Variants in PUDP observed in about 807,000 individuals in gnomAD.
PUDP encodes the protein pseudouridine-5'-phosphatase.
In PUDP, 8 loss-of-function variants were observed where a neutral mutation model predicts 9.4. The ratio of observed to expected loss-of-function variants is 0.85; its 90% CI spans 0.50 to 1.53. PUDP has a LOEUF of 1.53. Among genes scored for constraint, PUDP ranks in the 40% most tolerant of loss-of-function variants. The pLI, the probability that PUDP is intolerant of heterozygous loss-of-function variation, is 0.00. For synonymous variants in PUDP, 99 were observed against 80.7 expected (o/e 1.23, Z -1.22); for missense variants, 188 against 189.7 (o/e 0.99, Z 0.05).
intron 1 of PUDP, among the ~76,000 whole-genome samples, chrX:6,986,204 T>C (rs1035788131): frequency 1.8e-5 from 2 of 112,139 alleles, no homozygotes; most frequent in African/African-American, 6.5e-5. Context: ...CTGTCGATGA[T>C]CAGAGTAGCC....
At chrX:7,146,204 G>C (rs1239310236) in intron 1 of PUDP, among the ~76,000 whole-genome samples, 1 of 111,926 alleles carries the variant, frequency 8.9e-6, no homozygotes, top group East Asian at 2.8e-4. Flanking sequence ...GACTAGATCA[G>C]AGGATTGGGT....
intron 3 of PUDP, among the ~76,000 whole-genome samples, chrX:6,926,520 T>C (rs369165326): frequency 7.1e-5 from 8 of 112,341 alleles, no homozygotes; most frequent in African/African-American, 1.9e-4. Context: ...CCATGAACAC[T>C]GAATGTAACC....
chrX:6,806,633 TGA>T (rs1926054396), intron 3 of PUDP, among the ~76,000 whole-genome samples: 1 of 111,644 alleles, frequency 9.0e-6, no homozygotes, highest in African/African-American at 3.3e-5. Flanking sequence ...ATGGCCTAGG[TGA>T]GATTTTTATG....
intron 2 of PUDP, among the ~76,000 whole-genome samples, chrX:7,079,761 A>G (rs987099555): frequency 8.9e-6 from 1 of 112,522 alleles, no homozygotes; most frequent in African/African-American, 3.2e-5. Context: ...GTAGAGAACT[A>G]AAAACTACCA....
intron 1 of PUDP, among the ~76,000 whole-genome samples, chrX:7,040,219 A>G (rs1259847398): frequency 1.8e-5 from 2 of 111,155 alleles, no homozygotes; most frequent in Non-Finnish European, 3.8e-5. Flanking sequence ...TTGGGCCCCA[A>G]TTCTGCTTCC....
At chrX:6,903,232 A>T (rs1223548561) in intron 3 of PUDP, among the ~76,000 whole-genome samples, 1 of 112,282 alleles carries the variant, frequency 8.9e-6, no homozygotes, top group Admixed American at 9.4e-5. Context: ...TTCCTTAGGT[A>T]TCCTCTTCAG....
intron 3 of PUDP, among the ~76,000 whole-genome samples, chrX:7,076,636 G>C (rs779021419): frequency 4.7e-4 from 53 of 111,930 alleles, no homozygotes; most frequent in African/African-American, 1.6e-3. Flanking sequence ...TGCATACCCT[G>C]CATGGTCAAG....
chrX:6,831,461 A>G (rs1926502857), intron 3 of PUDP, among the ~76,000 whole-genome samples: 1 of 112,332 alleles, frequency 8.9e-6, no homozygotes, highest in Admixed American at 9.4e-5. Flanking sequence ...GCTTATGTGC[A>G]GGAATGAACG....
chrX:6,781,502 A>G (rs1223808654), intron 3 of PUDP, among the ~76,000 whole-genome samples: 2 of 111,918 alleles, frequency 1.8e-5, no homozygotes, highest in Non-Finnish European at 3.8e-5. Flanking sequence ...AACAAGGAAC[A>G]GGTAGGTTCC....
chrX:6,721,322 C>T (rs909626627), intron 1 of PUDP: 4 of 112,098 alleles, frequency 3.6e-5, no homozygotes, highest in African/African-American at 1.3e-4. Flanking sequence ...GCAACCCATC[C>T]CAAGTGAGGT....
chrX:7,141,821 A>T (rs1008227052), intron 1 of PUDP, among the ~76,000 whole-genome samples: 12 of 112,256 alleles, frequency 1.1e-4, no homozygotes, highest in Non-Finnish European at 1.5e-4. Flanking sequence ...GCTCATTTAC[A>T]ATTCTGAAAA....
At chrX:6,871,956 G>A (rs1374019399) in intron 3 of PUDP, among the ~76,000 whole-genome samples, 1 of 111,901 alleles carries the variant, frequency 8.9e-6, no homozygotes, top group Non-Finnish European at 1.9e-5. Flanking sequence ...GGCACCAGCA[G>A]ATTCAGCAGC....
rs1343178087 is a variant in PUDP, at chrX:6,720,271, TATATATATATATATATAC to T, written n.128+1128_128+1145del. Among the ~76,000 whole-genome samples, 247 of 87,201 alleles carry T rather than the reference TATATATATATATATATAC, an allele frequency of 2.8e-3. 3 individuals are homozygous for T. The highest frequency in any genetic ancestry group is 0.01 in the African/African-American group (227 of 22,675). 75.7% of individuals were successfully genotyped at this position (87,201 alleles called of 115,157 possible). A position where few individuals can be genotyped will look rare whatever the true frequency, so the allele number is the denominator to read the frequency against. On this transcript the variant is annotated intron_variant and non_coding_transcript_variant, in intron 1 of 2. Transcript: ENST00000438499. ...GTGTGTGTGTGTGTATATATATATA[TATATATATATATATATAC>T]ACACACACACATAAATATGAATAGT...
chrX:7,064,321 T>C (rs1930487452), intron 3 of PUDP, among the ~76,000 whole-genome samples: 1 of 111,799 alleles, frequency 8.9e-6, no homozygotes, highest in Admixed American at 9.5e-5. Context: ...TTATTGGATG[T>C]CTACTGAATA....
intron 1 of PUDP, among the ~76,000 whole-genome samples, chrX:6,707,646 C>T (rs957153204): frequency 1.8e-5 from 2 of 111,073 alleles, no homozygotes; most frequent in Admixed American, 9.6e-5. Context: ...ACTGATCTGA[C>T]AGGAGACAGA....
chrX:7,053,452 T>C (rs753269646), intron 3 of PUDP, among the ~76,000 whole-genome samples: 14 of 111,808 alleles, frequency 1.3e-4, no homozygotes, highest in East Asian at 2.8e-4. Flanking sequence ...TGGGAGACAA[T>C]TGAATCATGG....
At position 6,812,292 on chromosome X, in the gene PUDP, C is replaced by A. The variant is rs756433904; in HGVS notation, c.*248-105826G>T. ...ATGCCAGACAGGTAACTCTGCAAAACTCATCTTGCAAGGATGATGAATAGG... is the reference window on the plus strand; with the variant it reads ...ATGCCAGACAGGTAACTCTGCAAAAATCATCTTGCAAGGATGATGAATAGG... On this transcript the variant is annotated intron_variant and NMD_transcript_variant, in intron 3 of 3. Transcript: ENST00000655425. 8.0e-5 allele frequency among the ~76,000 whole-genome samples: 9 copies of A among 112,160 alleles called. No individual in the cohort carries two copies. The South Asian group carries it at 3.4e-3, about 42-fold the overall frequency.
intron 3 of PUDP, among the ~76,000 whole-genome samples, chrX:6,842,579 A>G (rs962585281): frequency 4.4e-5 from 5 of 112,675 alleles, no homozygotes; most frequent in Non-Finnish European, 9.4e-5. Flanking sequence ...TATATTGACA[A>G]TTACACAGTC....
At chrX:7,013,387 A>C (rs1929504485) in intron 1 of PUDP, among the ~76,000 whole-genome samples, 1 of 112,297 alleles carries the variant, frequency 8.9e-6, no homozygotes, top group Non-Finnish European at 1.9e-5. Context: ...ACCAGAGATG[A>C]AATTAGAAGA....
Sources: allele counts gnomAD v4.1 joint callset (sites outside exome capture counted in the v4.1 genomes callset), GRCh38; gene constraint gnomAD v4.1.1; transcripts MANE v1.5; gene names NCBI Gene and HGNC (gene_info 2026-07-23, HGNC 2026-07-21).